The following CFAP92 variants were observed in gnomAD, a reference collection of about 807,000 sequenced individuals.
CFAP92 encodes the protein cilia and flagella associated protein 92 (putative), also known as uncharacterized protein CFAP92.
In CFAP92, 86 loss-of-function variants were observed where a neutral mutation model predicts 106.3. That is an observed-to-expected ratio of 0.81 (90% CI 0.68 to 0.97). CFAP92 has a LOEUF of 0.97. CFAP92 is among the 50% of genes least tolerant of loss of function. The pLI is 0.00. For synonymous variants in CFAP92, 477 were observed against 506.4 expected (o/e 0.94, Z 0.78); for missense variants, 1,204 against 1,283.8 (o/e 0.94, Z 0.95).
intron 4 of CFAP92, among the ~76,000 whole-genome samples, chr3:128,985,559 C>T (rs956641946): frequency 3.9e-5 from 6 of 152,196 alleles, no homozygotes; most frequent in African/African-American, 1.2e-4. Context: ...CCAAACTTTG[C>T]TACTATGGCC....
At chr3:128,964,516 C>T (rs1942213914) in intron 9 of CFAP92, among the ~76,000 whole-genome samples, 1 of 152,198 alleles carries the variant, frequency 6.6e-6, no homozygotes, top group African/African-American at 2.4e-5. Flanking sequence ...CTGATATCTC[C>T]TGGTGCTATC....
At position 128,963,350 on chromosome 3, in the gene CFAP92, C is replaced by T. The variant is rs578058926; in HGVS notation, c.1353+2161G>A. ...GCCTAGCCCTCATGTCTGCGTGCAG[C>T]GGCTGCCGCTGCTTTAATACTGTTA... On this transcript the variant is annotated intron_variant, in intron 9 of 15. Transcript: ENST00000645291. 2.6e-3 allele frequency among the ~76,000 whole-genome samples: 395 copies of T among 152,240 alleles called. 2 individuals carry two copies. The highest frequency in any genetic ancestry group is 9.0e-3 in the African/African-American group (375 of 41,506).
At chr3:128,943,990 C>T (rs572438884) in intron 10 of CFAP92, among the ~76,000 whole-genome samples, 2 of 132,902 alleles carry the variant, frequency 1.5e-5, no homozygotes, top group South Asian at 2.5e-4. Flanking sequence ...AATTCAGTGG[C>T]GTGATACTGG....
At chr3:128,976,581 C>T (rs1372699150) in intron 6 of CFAP92, among the ~76,000 whole-genome samples, 1 of 152,094 alleles carries the variant, frequency 6.6e-6, no homozygotes, top group African/African-American at 2.4e-5. Flanking sequence ...TCTTGGGCTA[C>T]CAGAGACCCT....
Position 128,940,217 on chromosome 3 carries a change from G to C in CFAP92, c.2258+4854C>G, listed in dbSNP as rs7620278. Among the ~76,000 whole-genome samples, 1,457 of 152,242 alleles carry C rather than the reference G, an allele frequency of 9.6e-3. 15 individuals are homozygous for C. The highest frequency in any genetic ancestry group is 0.033 in the African/African-American group (1,390 of 41,532). ...CTTTTACTACTTGATGGACATTTGG[G>C]CTGTTTCCATCTTTTGGCTATTATG... is the stretch of plus-strand genomic sequence containing the variant. On this transcript the variant is annotated intron_variant, in intron 10 of 15. Transcript: ENST00000645291.
chr3:128,987,805 C>G lies in CFAP92; in HGVS notation c.478G>C (p.Asp160His), dbSNP rs371482148. Residue 160 changes from aspartate to histidine, a missense_variant, in exon 4 of 16, where the codon GAC becomes CAC. By Grantham distance (81) the Asp-to-His change is moderately conservative (BLOSUM62 -1). Coordinates refer to ENST00000645291, the MANE Select transcript of CFAP92 (RefSeq NM_001394090.1). The part of the protein sequence containing the change: ...VKTVKPWHEG[D>H]KAWVSWEQTF... ...TGCTCCCACGACACCCAGGCTTTGTCACCTTCGTGCCACGGCTTCACAGTC... is the reference window on the plus strand; with the variant it reads ...TGCTCCCACGACACCCAGGCTTTGTGACCTTCGTGCCACGGCTTCACAGTC... The G allele has an allele frequency of 1.9e-6, 3 of 1,611,622 alleles. No individual in the cohort carries two copies. The highest frequency in any genetic ancestry group is 2.5e-6 in the Non-Finnish European group (3 of 1,178,744).
chr3:128,967,101 T>G (rs1341077879), intron 8 of CFAP92: 1 of 152,152 alleles, frequency 6.6e-6, no homozygotes, highest in Non-Finnish European at 1.5e-5. Flanking sequence ...GTTTAAAGGA[T>G]TAAGAAAGAT....
Position 128,982,151 on chromosome 3 carries a change from G to A in CFAP92, c.668-3966C>T, listed in dbSNP as rs150388007. On this transcript the variant is annotated intron_variant, in intron 4 of 15. Transcript: ENST00000645291. ...TCCTAGATGGCAGCTTCTTCCAGTA[G>A]AAGGCTGTCTCATCTACTCTGAAAA... Among the ~76,000 whole-genome samples the A allele has an allele frequency of 3.3e-5, 5 of 152,364 alleles. No homozygotes were observed. In the East Asian group the frequency reaches 9.6e-4, roughly 29 times the overall value.
At chr3:128,974,644 A>G (rs1039672980) in intron 7 of CFAP92, among the ~76,000 whole-genome samples, 1 of 151,858 alleles carries the variant, frequency 6.6e-6, no homozygotes, top group Admixed American at 6.6e-5. Flanking sequence ...AACATGGTGA[A>G]ACCCTGTCTC....
Position 128,975,779 on chromosome 3 carries a change from T to G in CFAP92, c.1021A>C (p.Ile341Leu), listed in dbSNP as rs775983840. The stretch of plus-strand genomic sequence containing the variant: ...ATTCCCAAATCCTATCCTAACTTAC[T>G]TTGAGACCTTTGTCTGTCTAATATG... The part of the protein sequence containing the change: ...TNILDRQRSQ[I>L]KGKDSEGRRK... Residue 341 changes from isoleucine to leucine, a missense_variant and splice_region_variant, in exon 7 of 16, where the codon ATT becomes CTT. Physicochemically the swap from Ile to Leu is conservative, Grantham distance 5. Transcript: ENST00000645291. 2 of 1,587,368 alleles carry G rather than the reference T, an allele frequency of 1.3e-6. No individual in the cohort carries two copies. Among genetic ancestry groups the G allele is most frequent in the Non-Finnish European group, 1.7e-6 (2 of 1,168,058 alleles).
chr3:128,935,421 A>G, intron 10 of CFAP92, 102 bp from the exon 11 acceptor site: 1 of 747,186 alleles, frequency 1.3e-6, no homozygotes, highest in Non-Finnish European at 2.0e-6. Context: ...ATTTAAAAAC[A>G]AACCCAGGGG....
intron 4 of CFAP92, among the ~76,000 whole-genome samples, chr3:128,980,424 C>T (rs1443745863): frequency 6.7e-6 from 1 of 149,510 alleles, no homozygotes; most frequent in Non-Finnish European, 1.5e-5. Context: ...AATCATCTTT[C>T]TGCTGTGGGG....
chr3:128,918,452 G>T (rs931657592), intron 12 of CFAP92, among the ~76,000 whole-genome samples: 1 of 152,190 alleles, frequency 6.6e-6, no homozygotes, highest in Non-Finnish European at 1.5e-5. Flanking sequence ...CAGCCTGGGT[G>T]ACAGAGCCAG....
chr3:128,943,413 A>G (rs1415313668), intron 10 of CFAP92, among the ~76,000 whole-genome samples: 1 of 151,986 alleles, frequency 6.6e-6, no homozygotes, highest in African/African-American at 2.4e-5. Flanking sequence ...ACCTATCTCT[A>G]TGGATTTGCC....
the CFAP92 span, among the ~76,000 whole-genome samples, chr3:129,024,263 G>C: frequency 1.3e-5 from 2 of 152,132 alleles, no homozygotes; most frequent in Non-Finnish European, 2.9e-5. Flanking sequence ...GGGTCTAGTG[G>C]CTCACACCTG....
At position 128,954,955 on chromosome 3, in the gene CFAP92, G is replaced by C. The variant is rs1941229931; in HGVS notation, c.1354-8980C>G. On this transcript the variant is annotated intron_variant, in intron 9 of 15. Transcript: ENST00000645291. The stretch of plus-strand genomic sequence containing the variant: ...CCCGCCCGGCCAGCCGCCCCGTCCG[G>C]GAGGGAGGTGGGGCGGTCAGCCCCC... 5.0e-5 allele frequency among the ~76,000 whole-genome samples: 2 copies of C among 40,226 alleles called. 1 individual carries two copies. The highest frequency in any genetic ancestry group is 7.8e-5 in the Non-Finnish European group (2 of 25,594). 26.4% of individuals were successfully genotyped at this position (40,226 alleles called of 152,430 possible). A position where few individuals can be genotyped will look rare whatever the true frequency, so the allele number is the denominator to read the frequency against.
chr3:128,912,813 G>A (rs566457278), intron 15 of CFAP92: 1 of 720,474 alleles, frequency 1.4e-6, no homozygotes, highest in Admixed American at 1.7e-5. Context: ...GACCATCACA[G>A]CTTCTGAACT....
intron 9 of CFAP92, among the ~76,000 whole-genome samples, chr3:128,963,210 A>G (rs1327830324): frequency 1.3e-5 from 2 of 152,170 alleles, no homozygotes; most frequent in Non-Finnish European, 2.9e-5. Flanking sequence ...AATCCCTTAC[A>G]AAAGAACAAC....
chr3:129,006,403 G>A (rs1396277631), upstream of CFAP92, among the ~76,000 whole-genome samples: 1 of 152,216 alleles, frequency 6.6e-6, no homozygotes, highest in Non-Finnish European at 1.5e-5. Flanking sequence ...TGCAATCTCT[G>A]CCTCCCAGGT....
Sources: allele counts gnomAD v4.1 joint callset (sites outside exome capture counted in the v4.1 genomes callset), GRCh38; gene constraint gnomAD v4.1.1; transcripts MANE v1.5; gene names NCBI Gene and HGNC (gene_info 2026-07-23, HGNC 2026-07-21).